CADM2: variants seen among roughly 807,000 people sequenced by gnomAD.
CADM2 encodes cell adhesion molecule 2.
Under a neutral mutation model 49.8 loss-of-function variants are expected in CADM2, and 12 were observed. The observed-to-expected ratio is 0.24, with a 90% CI of 0.15 to 0.39. CADM2 has a LOEUF of 0.39. Ranked by LOEUF, CADM2 falls within the 10% of genes least tolerant of loss-of-function variation. The probability of loss-of-function intolerance (pLI) is 1.00; values close to 1 mark genes in which losing one functional copy is unlikely to be tolerated. For missense variants in CADM2, 378 were observed against 492.3 expected (o/e 0.77, Z 2.20); for synonymous variants, 214 against 175.4 (o/e 1.22, Z -1.74).
intron 1 of CADM2, among the ~76,000 whole-genome samples, chr3:85,548,947 T>C (rs2061733276): frequency 6.6e-6 from 1 of 152,164 alleles, no homozygotes; most frequent in South Asian, 2.1e-4. Flanking sequence ...GAAATAAAAG[T>C]AGTGAAAGAT....
chr3:85,415,057 T>C (rs528854921), intron 1 of CADM2, among the ~76,000 whole-genome samples: 1 of 152,268 alleles, frequency 6.6e-6, no homozygotes, highest in South Asian at 2.1e-4. Flanking sequence ...TGAAAAATAA[T>C]TCTAAAGAAG....
intron 1 of CADM2, among the ~76,000 whole-genome samples, chr3:85,639,813 C>T (rs1386621591): frequency 6.6e-6 from 1 of 151,626 alleles, no homozygotes; most frequent in African/African-American, 2.4e-5. Context: ...TGTAAAAGGA[C>T]CATAGTATCT....
intron 1 of CADM2, among the ~76,000 whole-genome samples, chr3:85,405,965 G>C (rs1481578842): frequency 6.6e-6 from 1 of 151,674 alleles, no homozygotes; most frequent in Non-Finnish European, 1.5e-5. Flanking sequence ...AGTAGACATA[G>C]ATATATGCGT....
At chr3:85,022,449 C>T (rs923364526) in intron 1 of CADM2, among the ~76,000 whole-genome samples, 27 of 152,188 alleles carry the variant, frequency 1.8e-4, no homozygotes, top group African/African-American at 6.3e-4. Flanking sequence ...AATGGCACAG[C>T]TTCTGCTTCC....
At chr3:85,961,416 C>A in intron 7 of CADM2, 53 bp from the exon 8 acceptor site, 1 of 1,371,166 alleles carries the variant, frequency 7.3e-7, no homozygotes, top group Non-Finnish European at 9.9e-7. Context: ...TAAATTTACA[C>A]ATATTTAACA....
At chr3:86,041,210 G>C (rs570403064) in intron 8 of CADM2, among the ~76,000 whole-genome samples, 4 of 152,104 alleles carry the variant, frequency 2.6e-5, no homozygotes, top group Admixed American at 1.3e-4. Context: ...CATAATGACA[G>C]GATCAAATTC....
rs529155069 is a variant in CADM2 at position 85,288,653 on chromosome 3, A to ATAATTCT, written c.61+328985_61+328986insTAATTCT. 2.9e-4 allele frequency among the ~76,000 whole-genome samples: 44 copies of ATAATTCT among 152,232 alleles called. No individual in the cohort carries two copies. In the East Asian group the frequency reaches 8.5e-3, roughly 29 times the overall value. ...GTTGGCTCAGCTATACCTGATCTGT[A>ATAATTCT]GGTGCACATGCAAAATTCAGTGATA... On this transcript the variant is annotated intron_variant, in intron 1 of 9. Coordinates refer to ENST00000383699, the MANE Select transcript of CADM2 (RefSeq NM_001167675.2).
chr3:85,539,719 G>A lies in CADM2; in HGVS notation c.62-186803G>A, dbSNP rs77886631. Reference sequence around the variant, plus strand: ...TAGAAATGCAATGGATTGGGTAAGAGAGGTGGATAATTAAAGATAAACCAT... The same window carrying A: ...TAGAAATGCAATGGATTGGGTAAGAAAGGTGGATAATTAAAGATAAACCAT... On this transcript the variant is annotated intron_variant, in intron 1 of 9. Coordinates refer to ENST00000383699, the MANE Select transcript of CADM2 (RefSeq NM_001167675.2). Among the ~76,000 whole-genome samples, 693 of 152,182 alleles carry A rather than the reference G, an allele frequency of 4.6e-3. 7 individuals carry two copies. The highest frequency in any genetic ancestry group is 0.016 in the African/African-American group (669 of 41,530).
intron 1 of CADM2, among the ~76,000 whole-genome samples, chr3:85,254,930 T>A (rs2042851162): frequency 6.6e-6 from 1 of 152,122 alleles, no homozygotes; most frequent in Non-Finnish European, 1.5e-5. Flanking sequence ...CAATGCTTAA[T>A]ATTATCCCTG....
chr3:85,957,817 A>T (rs554402046), intron 7 of CADM2, among the ~76,000 whole-genome samples: 4 of 151,866 alleles, frequency 2.6e-5, no homozygotes, highest in Non-Finnish European at 5.9e-5. Context: ...CTCATTAATT[A>T]TAAAGAATAT....
At chr3:85,388,399 C>T (rs1254922289) in intron 1 of CADM2, among the ~76,000 whole-genome samples, 1 of 152,110 alleles carries the variant, frequency 6.6e-6, no homozygotes, top group East Asian at 1.9e-4. Context: ...CATTTTATCT[C>T]CTTCAGGAAA....
intron 1 of CADM2, among the ~76,000 whole-genome samples, chr3:85,193,203 A>T (rs1414966558): frequency 2.0e-5 from 3 of 152,062 alleles, no homozygotes. Flanking sequence ...GGACTTTGTA[A>T]ATTAGTTGTC....
intron 8 of CADM2, among the ~76,000 whole-genome samples, chr3:86,055,060 A>G (rs1196203790): frequency 6.6e-6 from 1 of 152,206 alleles, no homozygotes; most frequent in African/African-American, 2.4e-5. Context: ...CACATAAAAT[A>G]AACTAGGCAC....
intron 1 of CADM2, among the ~76,000 whole-genome samples, chr3:85,450,930 A>G (rs2037722188): frequency 6.6e-6 from 1 of 152,070 alleles, no homozygotes; most frequent in Admixed American, 6.6e-5. Context: ...TTATTGGTTA[A>G]ACATATCAAA....
At chr3:85,116,318 C>A (rs2038636074) in intron 1 of CADM2, among the ~76,000 whole-genome samples, 1 of 152,152 alleles carries the variant, frequency 6.6e-6, no homozygotes, top group Admixed American at 6.6e-5. Flanking sequence ...GAAGTGATCT[C>A]CGTCTCAAAA....
rs1443044071 is a variant in CADM2 at position 85,449,080 on chromosome 3, A to AATAATAATAATAATAAT, written c.62-277441_62-277440insTAATAATAATAATAATA. On this transcript the variant is annotated intron_variant, in intron 1 of 9. Transcript: ENST00000383699. ...TAATAATAATAATAATAATAATGAT[A>AATAATAATAATAATAAT]AAAATTATATAATTCATTATACCAT... Among the ~76,000 whole-genome samples, 26 of 147,768 alleles carry AATAATAATAATAATAAT rather than the reference A, an allele frequency of 1.8e-4. No individual in the cohort carries two copies. In the South Asian group the frequency reaches 5.3e-3, roughly 30 times the overall value.
At chr3:86,064,577 G>T (rs1199903506) in intron 8 of CADM2, among the ~76,000 whole-genome samples, 1 of 152,070 alleles carries the variant, frequency 6.6e-6, no homozygotes, top group Non-Finnish European at 1.5e-5. Flanking sequence ...ACCCAGTAAT[G>T]GGATGGCTGG....
chr3:85,612,422 T>G (rs543147525), intron 1 of CADM2, among the ~76,000 whole-genome samples: 1 of 151,858 alleles, frequency 6.6e-6, no homozygotes, highest in Non-Finnish European at 1.5e-5. Context: ...TTTAAATAGT[T>G]GTATTTTTAT....
chr3:85,145,104 T>G (rs1431314795), intron 1 of CADM2, among the ~76,000 whole-genome samples: 1 of 152,144 alleles, frequency 6.6e-6, no homozygotes, highest in Non-Finnish European at 1.5e-5. Context: ...CTAAGGAAAA[T>G]TTTTTGGAAA....
Sources: gnomAD v4.1 joint callset for allele counts (sites outside exome capture counted in the v4.1 genomes callset) on GRCh38, gnomAD v4.1.1 for gene constraint, MANE v1.5 for transcripts, NCBI Gene and HGNC (gene_info 2026-07-23, HGNC 2026-07-21) for gene names.